The following KCNH1 variants were observed in gnomAD, a reference collection of about 807,000 sequenced individuals.
KCNH1 encodes the protein potassium voltage-gated channel subfamily H member 1, also known as voltage-gated delayed rectifier potassium channel KCNH1.
Under a neutral mutation model 69.2 loss-of-function variants are expected in KCNH1, and 27 were observed. The observed-to-expected ratio is 0.39, with a 90% confidence interval of 0.29 to 0.54. The LOEUF (loss-of-function observed/expected upper bound fraction) is 0.54, where lower values mean the gene tolerates loss of function less well. Ranked by LOEUF, KCNH1 falls within the 20% of genes least tolerant of loss-of-function variation. The pLI is 0.68. For synonymous variants in KCNH1, 456 were observed against 487.7 expected, an observed-to-expected ratio of 0.93 and a Z score of 0.86; for missense variants, 798 against 1,261.6, an observed-to-expected ratio of 0.63 and a Z score of 5.57.
intron 9 of KCNH1, among the ~76,000 whole-genome samples, chr1:210,788,246 A>G (rs1193546941): frequency 6.6e-6 from 1 of 152,246 alleles, no homozygotes; most frequent in African/African-American, 2.4e-5. Flanking sequence ...ACTTCAGTTA[A>G]CATTTTGGTA....
chr1:210,925,832 T>C (rs1006274788), intron 6 of KCNH1, among the ~76,000 whole-genome samples: 1 of 152,288 alleles, frequency 6.6e-6, no homozygotes, highest in East Asian at 1.9e-4. Flanking sequence ...GGGAGCCTAT[T>C]GCACTGCCCA....
Position 211,096,310 on chromosome 1 carries a change from C to T in KCNH1, c.311-5620G>A, listed in dbSNP as rs539913362. ...AACTCCTGACCTCAGGTGATCTGCC[C>T]GCCTTGGCCTCCCAAAGTGCTGTGA... On this transcript the variant is annotated intron_variant, in intron 3 of 10. Transcript: ENST00000271751. Among the ~76,000 whole-genome samples the T allele has an allele frequency of 5.3e-5, 8 of 152,224 alleles. No individual in the cohort carries two copies. In the South Asian group the frequency reaches 1.5e-3, roughly 28 times the overall value.
chr1:210,979,135 A>G (rs1409184153), intron 6 of KCNH1, among the ~76,000 whole-genome samples: 3 of 152,188 alleles, frequency 2.0e-5, no homozygotes, highest in South Asian at 2.1e-4. Context: ...AGCCACTTCA[A>G]TCAAGTCAAT....
intron 7 of KCNH1, among the ~76,000 whole-genome samples, chr1:210,871,747 T>C (rs1159749026): frequency 6.6e-6 from 1 of 151,532 alleles, no homozygotes; most frequent in Non-Finnish European, 1.5e-5. Context: ...TTCATGTCCT[T>C]TGTAGGGACA....
At chr1:210,955,531 T>C (rs2102350358) in intron 6 of KCNH1, among the ~76,000 whole-genome samples, 1 of 152,346 alleles carries the variant, frequency 6.6e-6, no homozygotes, top group East Asian at 1.9e-4. Context: ...TTCCTGTCCA[T>C]GAGCATGGAA....
intron 10 of KCNH1, among the ~76,000 whole-genome samples, chr1:210,700,472 G>A (rs1383127895): frequency 6.6e-6 from 1 of 152,132 alleles, no homozygotes; most frequent in Non-Finnish European, 1.5e-5. Flanking sequence ...CTCTGCCTGG[G>A]TTTCAACAGC....
At chr1:211,119,349 C>T (rs7516636) in intron 1 of KCNH1, among the ~76,000 whole-genome samples, 11,246 of 152,026 alleles carry the variant, frequency 0.074, 551 homozygotes, top group South Asian at 0.16. Flanking sequence ...GACAGAGGGA[C>T]ACTCCATCTC....
At chr1:210,796,619 T>A (rs1684320027) in intron 9 of KCNH1, among the ~76,000 whole-genome samples, 1 of 152,158 alleles carries the variant, frequency 6.6e-6, no homozygotes, top group Non-Finnish European at 1.5e-5. Flanking sequence ...TTCCCTGTTA[T>A]CCATGTGAGA....
intron 10 of KCNH1, among the ~76,000 whole-genome samples, chr1:210,708,287 G>A (rs1299879997): frequency 1.3e-5 from 2 of 151,998 alleles, no homozygotes; most frequent in African/African-American, 4.8e-5. Context: ...TTCCATTGAA[G>A]TGGAATCAAT....
chr1:210,686,939 C>A (rs1010711431), intron 10 of KCNH1, among the ~76,000 whole-genome samples: 3 of 152,138 alleles, frequency 2.0e-5, no homozygotes, highest in African/African-American at 7.2e-5. Flanking sequence ...TGGTACCTAG[C>A]AGGCCCTCAG....
At chr1:210,878,323 G>T (rs1686424796) in intron 7 of KCNH1, among the ~76,000 whole-genome samples, 1 of 151,772 alleles carries the variant, frequency 6.6e-6, no homozygotes, top group Admixed American at 6.6e-5. Flanking sequence ...AGACTAATTT[G>T]CCCAAGAACA....
chr1:210,924,474 C>T (rs988922598), intron 6 of KCNH1, among the ~76,000 whole-genome samples: 3 of 152,078 alleles, frequency 2.0e-5, no homozygotes, highest in Non-Finnish European at 4.4e-5. Context: ...TGTAAGTTCT[C>T]TTTGAATGCA....
intron 6 of KCNH1, among the ~76,000 whole-genome samples, chr1:211,015,021 C>A (rs1034937360): frequency 8.2e-6 from 1 of 121,506 alleles, no homozygotes; most frequent in Non-Finnish European, 1.7e-5. Context: ...CAAACATCAA[C>A]CATTCATTCC....
intron 7 of KCNH1, among the ~76,000 whole-genome samples, chr1:210,806,826 A>AT (rs1558477801): frequency 1.0e-4 from 5 of 48,218 alleles, no homozygotes; most frequent in South Asian, 1.2e-3. Flanking sequence ...AAAAAAAAAA[A>AT]AAAAAAAAAA....
chr1:210,959,587 T>C (rs1352461050), intron 6 of KCNH1, among the ~76,000 whole-genome samples: 2 of 152,158 alleles, frequency 1.3e-5, no homozygotes, highest in African/African-American at 4.8e-5. Flanking sequence ...CCACTTTATT[T>C]ACCTACTCAA....
At chr1:210,847,940 T>C (rs1424612475) in intron 7 of KCNH1, among the ~76,000 whole-genome samples, 2 of 152,022 alleles carry the variant, frequency 1.3e-5, no homozygotes, top group Non-Finnish European at 2.9e-5. Flanking sequence ...AGTGGAAGAC[T>C]GAAAGGGTGG....
intron 7 of KCNH1, among the ~76,000 whole-genome samples, chr1:210,818,704 G>T (rs943941337): frequency 6.6e-6 from 1 of 152,062 alleles, no homozygotes; most frequent in Middle Eastern, 3.2e-3. Context: ...AAGCTTCCCA[G>T]AACCAACACA....
chr1:210,978,702 T>C (rs1363337553), intron 6 of KCNH1, among the ~76,000 whole-genome samples: 1 of 152,226 alleles, frequency 6.6e-6, no homozygotes, highest in Non-Finnish European at 1.5e-5. Context: ...ACGCTTGTTT[T>C]TCATTTTTAA....
At chr1:210,717,429 A>G (rs1267804983) in intron 10 of KCNH1, among the ~76,000 whole-genome samples, 1 of 152,116 alleles carries the variant, frequency 6.6e-6, no homozygotes, top group African/African-American at 2.4e-5. Flanking sequence ...CCAATGAGAC[A>G]AGTCCTGCTC....
Sources: gnomAD v4.1 joint callset for allele counts (sites outside exome capture counted in the v4.1 genomes callset) on GRCh38, gnomAD v4.1.1 for gene constraint, MANE v1.5 for transcripts, NCBI Gene and HGNC (gene_info 2026-07-23, HGNC 2026-07-21) for gene names.